The following ASXL3 variants were observed in gnomAD, a reference collection of about 807,000 sequenced individuals.
The protein encoded by ASXL3 is ASXL transcriptional regulator 3.
In ASXL3, 34 loss-of-function variants were observed where a neutral mutation model predicts 170.6. The observed-to-expected ratio is 0.20, with a 90% CI of 0.15 to 0.27. The LOEUF (loss-of-function observed/expected upper bound fraction) is 0.27, where lower values mean the gene tolerates loss of function less well. Ranked by LOEUF, ASXL3 falls within the 10% of genes least tolerant of loss-of-function variation. ASXL3 has a pLI of 1.00. For synonymous variants in ASXL3, 1,002 were observed against 989.1 expected (o/e 1.01, Z -0.24); for missense variants, 2,592 against 2,695.3 (o/e 0.96, Z 0.85).
Position 33,745,511 on chromosome 18 carries a change from T to A in ASXL3, c.5663T>A (p.Ile1888Asn). 4 of 1,614,010 alleles carry A rather than the reference T, an allele frequency of 2.5e-6. No individual in the cohort carries two copies. Among genetic ancestry groups the A allele is most frequent in the Non-Finnish European group, 3.4e-6 (4 of 1,179,896 alleles). Reference protein sequence around the residue: ...WLNKHSMQNRIVHSPEVKQQK... With the variant: ...WLNKHSMQNRNVHSPEVKQQK... Reference sequence around the variant, plus strand: ...AACAAGCACTCCATGCAGAACAGAATTGTTCACAGCCCTGAGGTCAAACAG... The same window carrying A: ...AACAAGCACTCCATGCAGAACAGAAATGTTCACAGCCCTGAGGTCAAACAG... The change falls in exon 12 of 12, where the codon ATT becomes AAT. Residue 1888 changes from isoleucine to asparagine, a missense_variant. Transcript: ENST00000269197.
In ASXL3 at chr18:33,739,944, C is replaced by T. The variant is rs760941276; in HGVS notation, c.2540C>T (p.Pro847Leu). The change falls in exon 11 of 12, where the codon CCC (proline) becomes CTC (leucine). Residue 847 changes from proline (P) to leucine (L), a missense_variant. Pro to Leu is a moderately conservative substitution (Grantham distance 98). Transcript: ENST00000269197. ...TCKSHVDTEKPYPASIPELAS... is the reference protein window; with the variant it reads ...TCKSHVDTEKLYPASIPELAS... ...AAATCACATGTTGACACTGAGAAGC[C>T]CTACCCTGCTTCAATTCCAGAACTT... The T allele has an allele frequency of 2.5e-6, 4 of 1,613,738 alleles. No homozygotes were observed. Among genetic ancestry groups the T allele is most frequent in the African/African-American group, 2.7e-5 (2 of 74,898 alleles).
At chr18:33,628,989 G>A (rs2065639760) in intron 2 of ASXL3, among the ~76,000 whole-genome samples, 1 of 152,066 alleles carries the variant, frequency 6.6e-6, no homozygotes, top group Non-Finnish European at 1.5e-5. Context: ...AGAGGATGTT[G>A]TTTCTGTGCT....
At chr18:33,654,809 C>T (rs2066057944) in intron 4 of ASXL3, among the ~76,000 whole-genome samples, 1 of 152,012 alleles carries the variant, frequency 6.6e-6, no homozygotes, top group Non-Finnish European at 1.5e-5. Context: ...GGTTAGGTGG[C>T]TAAAGGCTGG....
At chr18:33,723,997 T>C (rs758747290) in intron 8 of ASXL3, among the ~76,000 whole-genome samples, 3 of 152,178 alleles carry the variant, frequency 2.0e-5, no homozygotes, top group Non-Finnish European at 4.4e-5. Context: ...GTAAATTGAT[T>C]TTTAGCATAA....
At chr18:33,582,735 TGTGTG>T (rs1568262121) in intron 1 of ASXL3, among the ~76,000 whole-genome samples, 14 of 150,524 alleles carry the variant, frequency 9.3e-5, no homozygotes, top group African/African-American at 2.5e-4. Context: ...TGTGTGTGTG[TGTGTG>T]TTTTCTTGGT....
chr18:33,647,287 C>G lies in ASXL3; in HGVS notation c.355+934C>G, dbSNP rs557149609. The stretch of plus-strand genomic sequence containing the variant: ...TCTTTAAACTTGTGTGCTGATAGAC[C>G]CTGTAAGACTGTTACTGCTTCCGTT... On this transcript the variant is annotated intron_variant, in intron 4 of 11. Transcript: ENST00000269197. Among the ~76,000 whole-genome samples, 18 of 152,046 alleles carry G rather than the reference C, an allele frequency of 1.2e-4. No individual in the cohort carries two copies. In the East Asian group the frequency reaches 3.5e-3, roughly 29 times the overall value.
intron 8 of ASXL3, among the ~76,000 whole-genome samples, chr18:33,699,175 A>C (rs1171246488): frequency 6.6e-6 from 1 of 152,048 alleles, no homozygotes; most frequent in African/African-American, 2.4e-5. Flanking sequence ...AAGAGTCTAG[A>C]AAACCGGCAA....
rs1203805334 is a variant in ASXL3 at position 33,745,112 on chromosome 18, A to C, written c.5264A>C (p.Gln1755Pro). 6.2e-7 allele frequency: 1 copy of C among 1,613,872 alleles called. No homozygotes were observed. Among genetic ancestry groups the C allele is most frequent in the Non-Finnish European group, 8.5e-7 (1 of 1,179,898 alleles). Residue 1755 changes from glutamine to proline, a missense_variant, in exon 12 of 12, where the codon CAG becomes CCG. Transcript: ENST00000269197. ...AATCCGCTGGTGACGCAGTTACTAC[A>C]GGGCAACCTGCCTTTGGAAAAAGTG... ...ANNPLVTQLL[Q>P]GNLPLEKVLP... is the part of the protein sequence containing the mutation.
At chr18:33,709,534 T>C (rs1047483935) in intron 8 of ASXL3, among the ~76,000 whole-genome samples, 7 of 152,174 alleles carry the variant, frequency 4.6e-5, no homozygotes, top group African/African-American at 1.4e-4. Context: ...AATACAAAAG[T>C]GTATGTACTG....
chr18:33,702,360 TCTTC>T (rs1417604404), intron 8 of ASXL3, among the ~76,000 whole-genome samples: 4 of 152,018 alleles, frequency 2.6e-5, no homozygotes, highest in East Asian at 3.9e-4. Context: ...ACTACTCCTC[TCTTC>T]CTTCAGGAAT....
At chr18:33,593,866 C>G (rs76165224) in intron 1 of ASXL3, among the ~76,000 whole-genome samples, 3,670 of 152,134 alleles carry the variant, frequency 0.024, 154 homozygotes, top group African/African-American at 0.084. Context: ...GTGAGGCTAC[C>G]TCTGAATTGC....
chr18:33,718,449 A>G (rs773312870), intron 8 of ASXL3, among the ~76,000 whole-genome samples: 9 of 152,142 alleles, frequency 5.9e-5, no homozygotes, highest in Non-Finnish European at 1.0e-4. Flanking sequence ...TGCAGTTATT[A>G]TCTCCATCGG....
chr18:33,626,550 A>G (rs1217462311), intron 2 of ASXL3: 1 of 151,890 alleles, frequency 6.6e-6, no homozygotes, highest in African/African-American at 2.4e-5. Flanking sequence ...GCTCTTTTAA[A>G]TACTGGATTC....
At chr18:33,714,338 G>A (rs1278806981) in intron 8 of ASXL3, among the ~76,000 whole-genome samples, 2 of 151,998 alleles carry the variant, frequency 1.3e-5, no homozygotes, top group Non-Finnish European at 2.9e-5. Flanking sequence ...GGCAGGTCCC[G>A]GGATCATGGA....
At chr18:33,655,371 C>T (rs1028750106) in intron 4 of ASXL3, among the ~76,000 whole-genome samples, 5 of 151,844 alleles carry the variant, frequency 3.3e-5, no homozygotes, top group Admixed American at 6.6e-5. Context: ...TTGTTCTAAA[C>T]GTTATAAAGA....
chr18:33,625,118 C>T (rs896268443), intron 2 of ASXL3, among the ~76,000 whole-genome samples: 1 of 151,970 alleles, frequency 6.6e-6, no homozygotes, highest in Admixed American at 6.5e-5. Context: ...AATATGGTTT[C>T]TTCTTTTGTA....
At chr18:33,651,500 T>C (rs1010600271) in intron 4 of ASXL3, among the ~76,000 whole-genome samples, 1 of 151,996 alleles carries the variant, frequency 6.6e-6, no homozygotes, top group Admixed American at 6.6e-5. Flanking sequence ...ACCATCTGTT[T>C]TGCTATTTTA....
At chr18:33,580,729 G>A (rs1303648081) in intron 1 of ASXL3, among the ~76,000 whole-genome samples, 3 of 152,098 alleles carry the variant, frequency 2.0e-5, no homozygotes, top group African/African-American at 4.8e-5. Flanking sequence ...CGAAAAGTTC[G>A]TTGATGGGAA....
Position 33,740,412 on chromosome 18 carries a change from C to G in ASXL3, c.3008C>G (p.Pro1003Arg), listed in dbSNP as rs749434708. The G allele has an allele frequency of 7.5e-6, 12 of 1,591,434 alleles. No individual in the cohort carries two copies. The highest frequency in any genetic ancestry group is 1.0e-5 in the Non-Finnish European group (12 of 1,172,376). Residue 1003 changes from proline to arginine, a missense_variant, in exon 11 of 12, where the codon CCC becomes CGC. Physicochemically the swap from Pro to Arg is moderately radical, Grantham distance 103 (BLOSUM62 -2). Around this residue, in one of 4 missense-constraint regions of ASXL3, gnomAD observed 2,246 missense variants for 2,219.6 expected, o/e 1.01. Transcript: ENST00000269197. ...SSSPPEKEQPPREEPRVPPLK... is the reference protein window; with the variant it reads ...SSSPPEKEQPRREEPRVPPLK... Reference sequence around the variant, plus strand: ...AGCCCACCTGAGAAAGAACAGCCTCCCAGAGAGGAACCAAGGGTTCCCCCT... The same window carrying G: ...AGCCCACCTGAGAAAGAACAGCCTCGCAGAGAGGAACCAAGGGTTCCCCCT...
Sources: allele counts gnomAD v4.1 joint callset (sites outside exome capture counted in the v4.1 genomes callset), GRCh38; gene constraint gnomAD v4.1.1; regional missense constraint gnomAD v4.1.1; transcripts MANE v1.5; gene names NCBI Gene and HGNC (gene_info 2026-07-23, HGNC 2026-07-21).